Variants in GLIS3 observed in about 807,000 individuals in gnomAD.
GLIS3 encodes the protein GLIS family zinc finger 3.
A neutral mutation model predicts 78.6 loss-of-function variants in GLIS3; 53 were observed. That is an observed-to-expected ratio of 0.67 (90% CI 0.54 to 0.85). GLIS3 has a LOEUF of 0.85. GLIS3 is among the 40% of genes least tolerant of loss of function. GLIS3 has a pLI of 0.00. For missense variants in GLIS3, 1,703 were observed against 1,231.1 expected, an observed-to-expected ratio of 1.38 and a Z score of -5.74; for synonymous variants, 684 against 509.9, an observed-to-expected ratio of 1.34 and a Z score of -4.60.
At chr9:4,139,788 G>A (rs536889945) in intron 2 of GLIS3, among the ~76,000 whole-genome samples, 41 of 152,260 alleles carry the variant, frequency 2.7e-4, no homozygotes, top group Non-Finnish European at 4.7e-4. Context: ...AGTTCACTAT[G>A]GGGTTTCTGC....
chr9:3,876,862 C>G (rs980172594), intron 8 of GLIS3, among the ~76,000 whole-genome samples: 1 of 151,272 alleles, frequency 6.6e-6, no homozygotes, highest in African/African-American at 2.4e-5. Context: ...AACACACAAA[C>G]CTCAAGCAGC....
At chr9:4,326,276 C>T (rs972485410) in intron 2 of GLIS3, among the ~76,000 whole-genome samples, 5 of 152,136 alleles carry the variant, frequency 3.3e-5, no homozygotes, top group Non-Finnish European at 5.9e-5. Context: ...CAGCATCATT[C>T]ACAACAGTGA....
At chr9:3,831,368 C>A (rs545766874) in intron 9 of GLIS3, among the ~76,000 whole-genome samples, 18 of 152,270 alleles carry the variant, frequency 1.2e-4, no homozygotes, top group African/African-American at 4.1e-4. Flanking sequence ...CCAATATGAG[C>A]AAACTGTAAA....
chr9:4,315,554 C>T (rs1293095735), intron 2 of GLIS3, among the ~76,000 whole-genome samples: 1 of 152,194 alleles, frequency 6.6e-6, no homozygotes, highest in Non-Finnish European at 1.5e-5. Context: ...ACTTCACCCT[C>T]TGCCGCCTAC....
intron 2 of GLIS3, among the ~76,000 whole-genome samples, chr9:4,179,010 T>C (rs1310021363): frequency 6.6e-6 from 1 of 152,244 alleles, no homozygotes; most frequent in Non-Finnish European, 1.5e-5. Flanking sequence ...ACCAGAGTTT[T>C]TGTTATATAA....
intron 4 of GLIS3, among the ~76,000 whole-genome samples, chr9:3,963,062 G>GAC (rs1475192968): frequency 6.6e-6 from 1 of 151,926 alleles, no homozygotes; most frequent in Non-Finnish European, 1.5e-5. Context: ...AAACGAAAAG[G>GAC]ACACACATAT....
intron 4 of GLIS3, among the ~76,000 whole-genome samples, chr9:4,082,198 C>A (rs565779769): frequency 5.9e-5 from 9 of 152,282 alleles, no homozygotes; most frequent in Admixed American, 3.3e-4. Context: ...ATCATGCAGG[C>A]AGCAATTTAA....
chr9:3,896,194 C>T (rs565516533), intron 7 of GLIS3, among the ~76,000 whole-genome samples: 1 of 152,298 alleles, frequency 6.6e-6, no homozygotes, highest in South Asian at 2.1e-4. Context: ...ATGCACTCCA[C>T]ACAAGCACAT....
At chr9:3,844,605 A>G (rs886826257) in intron 9 of GLIS3, among the ~76,000 whole-genome samples, 2 of 152,204 alleles carry the variant, frequency 1.3e-5, no homozygotes, top group African/African-American at 4.8e-5. Flanking sequence ...ATGATGGTCA[A>G]TGATATAAGG....
chr9:4,139,506 A>G (rs1337778040), intron 2 of GLIS3, among the ~76,000 whole-genome samples: 3 of 152,172 alleles, frequency 2.0e-5, no homozygotes. Flanking sequence ...ACAGACAGAA[A>G]TATTACTCGT....
the GLIS3 span, among the ~76,000 whole-genome samples, chr9:4,477,089 G>A: frequency 2.6e-5 from 4 of 151,732 alleles, no homozygotes; most frequent in African/African-American, 9.7e-5. Flanking sequence ...TTTAAAGCAG[G>A]GACTCAAACA....
rs186346015 is a variant in GLIS3 at position 4,165,764 on chromosome 9, G to C, written c.389-39823C>G. 3.9e-5 allele frequency among the ~76,000 whole-genome samples: 6 copies of C among 152,322 alleles called. No individual in the cohort carries two copies. In the East Asian group the frequency reaches 1.2e-3, roughly 29 times the overall value. ...AGTTGGAAAGGAGAGCCTAGAAATG[G>C]GGCTAGAACAAGTTTCTGGGGATAA... On this transcript the variant is annotated intron_variant, in intron 2 of 10. Transcript: ENST00000381971.
At chr9:4,154,778 T>C (rs953278728) in intron 2 of GLIS3, among the ~76,000 whole-genome samples, 13 of 152,208 alleles carry the variant, frequency 8.5e-5, no homozygotes. Flanking sequence ...CAGAGGTATT[T>C]AAAATGTTCA....
At chr9:3,944,932 A>C (rs942266032) in intron 4 of GLIS3, among the ~76,000 whole-genome samples, 1 of 152,250 alleles carries the variant, frequency 6.6e-6, no homozygotes, top group African/African-American at 2.4e-5. Flanking sequence ...ATGTGAGAAA[A>C]GGGGGCAGAA....
chr9:3,904,172 A>G (rs1477189087), intron 6 of GLIS3, among the ~76,000 whole-genome samples: 1 of 152,152 alleles, frequency 6.6e-6, no homozygotes, highest in Non-Finnish European at 1.5e-5. Flanking sequence ...CAGTTATTCA[A>G]TCACTCATCT....
chr9:4,463,993 T>C, the GLIS3 span, among the ~76,000 whole-genome samples: 1 of 152,168 alleles, frequency 6.6e-6, no homozygotes, highest in East Asian at 1.9e-4. Flanking sequence ...AGATGCAAGT[T>C]GAAAGAAATC....
chr9:3,924,374 C>T (rs1465160027), intron 6 of GLIS3, among the ~76,000 whole-genome samples: 3 of 152,052 alleles, frequency 2.0e-5, no homozygotes. Flanking sequence ...AAGCTAGTTG[C>T]CAAGAAGGGA....
intron 8 of GLIS3, among the ~76,000 whole-genome samples, chr9:3,872,539 C>A (rs1392703803): frequency 1.3e-5 from 2 of 152,122 alleles, no homozygotes; most frequent in Non-Finnish European, 2.9e-5. Context: ...TGGCAGCAGG[C>A]AAAGAGAATG....
intron 4 of GLIS3, among the ~76,000 whole-genome samples, chr9:4,012,547 T>A (rs1186293809): frequency 6.6e-6 from 1 of 152,164 alleles, no homozygotes; most frequent in Non-Finnish European, 1.5e-5. Flanking sequence ...TTTTAGATAT[T>A]CAAGCAATTT....
Sources: gnomAD v4.1 joint callset for allele counts (sites outside exome capture counted in the v4.1 genomes callset) on GRCh38, gnomAD v4.1.1 for gene constraint, MANE v1.5 for transcripts, NCBI Gene and HGNC (gene_info 2026-07-23, HGNC 2026-07-21) for gene names.